The following VPS54 variants were observed in gnomAD, a reference collection of about 807,000 sequenced individuals.
VPS54 encodes the protein VPS54 subunit of GARP complex.
VPS54 carries 45 observed loss-of-function variants against 121.5 expected under a neutral mutation model. That is an observed-to-expected ratio of 0.37 (90% CI 0.29 to 0.47). The LOEUF is 0.47. Ranked by LOEUF, VPS54 falls within the 20% of genes least tolerant of loss-of-function variation. The pLI is 0.99. For synonymous variants in VPS54, 371 were observed against 385.8 expected, an observed-to-expected ratio of 0.96 and a Z score of 0.45; for missense variants, 1,090 against 1,131.4, an observed-to-expected ratio of 0.96 and a Z score of 0.52.
At chr2:63,925,450 A>G (rs2104462557) in intron 12 of VPS54, among the ~76,000 whole-genome samples, 1 of 152,232 alleles carries the variant, frequency 6.6e-6, no homozygotes, top group East Asian at 1.9e-4. Context: ...GAGTACAACC[A>G]CTTTGAGAAA....
At chr2:63,897,467 G>C (rs778244709) in intron 22 of VPS54, 29 bp downstream of exon 22, 2 of 1,392,432 alleles carry the variant, frequency 1.4e-6, no homozygotes, top group Admixed American at 1.9e-5. Flanking sequence ...CGATATGGGA[G>C]TATATGGTGA....
At chr2:63,897,994 A>G (rs908571333) in intron 21 of VPS54, among the ~76,000 whole-genome samples, 8 of 152,232 alleles carry the variant, frequency 5.3e-5, no homozygotes, top group Admixed American at 1.3e-4. Context: ...CTTGCATGCA[A>G]TGACCCAATA....
chr2:63,934,087 TGCA>T, intron 11 of VPS54, 74 bp from the exon 12 acceptor site: 1 of 1,336,018 alleles, frequency 7.5e-7, no homozygotes, highest in Non-Finnish European at 1.0e-6. Flanking sequence ...GAGAATTCTG[TGCA>T]TGTAATTTTG....
intron 3 of VPS54, among the ~76,000 whole-genome samples, chr2:63,977,833 TTTTG>T (rs1323912881): frequency 6.6e-6 from 1 of 152,158 alleles, no homozygotes; most frequent in Non-Finnish European, 1.5e-5. Context: ...TAGTATGAAG[TTTTG>T]TTTATCTGGC....
At chr2:63,912,461 CT>C in intron 19 of VPS54, 36 bp from the exon 20 acceptor site, 2 of 1,609,334 alleles carry the variant, frequency 1.2e-6, no homozygotes, top group South Asian at 1.1e-5. Flanking sequence ...TTTTAAGTCC[CT>C]GGGACACATT....
At chr2:64,001,604 T>C (rs998178987) in intron 1 of VPS54, among the ~76,000 whole-genome samples, 2 of 151,886 alleles carry the variant, frequency 1.3e-5, no homozygotes, top group African/African-American at 4.8e-5. Context: ...CAGGACTGGG[T>C]CCCTCCCTTC....
At chr2:63,941,433 C>T (rs1237821818) in intron 11 of VPS54, among the ~76,000 whole-genome samples, 1 of 152,046 alleles carries the variant, frequency 6.6e-6, no homozygotes, top group African/African-American at 2.4e-5. Flanking sequence ...CATTATGTTG[C>T]CCAAGCTGGT....
At position 63,972,271 on chromosome 2, in the gene VPS54, A is replaced by G. The variant is rs751985860; in HGVS notation, c.379-27T>C. On this transcript the variant is annotated intron_variant, in intron 3 of 22. Coordinates refer to ENST00000272322, the MANE Select transcript of VPS54 (RefSeq NM_016516.3). ...TAATAAAAAGACAAATAACATCATC[A>G]ATGTATGTGTAAACATGAGTATTCA... 4.0e-6 allele frequency: 6 copies of G among 1,511,356 alleles called. No homozygotes were observed. The East Asian group carries it at 1.4e-4, about 35-fold the overall frequency. The allele number at this position is 1,511,356 out of a possible 1,614,324, so 93.6% of individuals were successfully genotyped here. A position where few individuals can be genotyped will look rare whatever the true frequency, so the allele number is the denominator to read the frequency against.
intron 11 of VPS54, among the ~76,000 whole-genome samples, chr2:63,936,114 A>G (rs558186557): frequency 6.6e-6 from 1 of 152,298 alleles, no homozygotes; most frequent in Admixed American, 6.5e-5. Context: ...CCCAGAGCCA[A>G]TACATTCCTT....
chr2:64,015,025 A>G (rs1410023263), intron 1 of VPS54, among the ~76,000 whole-genome samples: 4 of 152,078 alleles, frequency 2.6e-5, no homozygotes, highest in African/African-American at 7.2e-5. Context: ...ACATACATAC[A>G]TAACATAAGT....
At chr2:63,993,442 C>G (rs959699963) in intron 1 of VPS54, among the ~76,000 whole-genome samples, 1 of 152,076 alleles carries the variant, frequency 6.6e-6, no homozygotes, top group Non-Finnish European at 1.5e-5. Context: ...TTCTGGTTTT[C>G]GCCTCATTGC....
intron 3 of VPS54, among the ~76,000 whole-genome samples, chr2:63,973,174 T>C: frequency 6.6e-6 from 1 of 152,226 alleles, no homozygotes; most frequent in African/African-American, 2.4e-5. Flanking sequence ...CCTGTTGTTC[T>C]ACATCCTTGT....
In VPS54 at chr2:63,919,368, AC is replaced by A. The variant is rs1172679330; in HGVS notation, c.2164+514del. On this transcript the variant is annotated intron_variant, in intron 15 of 22. Transcript: ENST00000272322. The stretch of plus-strand genomic sequence containing the variant: ...TGTATTTTTTGGTTTTGTTCATTAG[AC>A]TTAGCCTCTTTAAAGCAGAAATACA... 8.5e-3 allele frequency among the ~76,000 whole-genome samples: 1,293 copies of A among 152,090 alleles called. 9 individuals carry two copies. Among genetic ancestry groups the A allele is most frequent in the Non-Finnish European group, 0.013 (870 of 67,918 alleles).
At chr2:63,901,134 A>T (rs1168516636) in intron 20 of VPS54, among the ~76,000 whole-genome samples, 1 of 152,230 alleles carries the variant, frequency 6.6e-6, no homozygotes, top group Non-Finnish European at 1.5e-5. Flanking sequence ...TTCATTAAAA[A>T]ACTTTTCGGT....
chr2:63,953,173 C>T (rs1675337382), intron 7 of VPS54, among the ~76,000 whole-genome samples: 1 of 142,684 alleles, frequency 7.0e-6, no homozygotes, highest in Non-Finnish European at 1.5e-5. Flanking sequence ...CCTCTGTTGC[C>T]TAGGCTGGAG....
chr2:63,930,995 C>T (rs1674168418), intron 12 of VPS54, among the ~76,000 whole-genome samples: 2 of 152,190 alleles, frequency 1.3e-5, no homozygotes, highest in African/African-American at 4.8e-5. Context: ...CTACAAACCA[C>T]TGCTCAAGGA....
intron 11 of VPS54, among the ~76,000 whole-genome samples, chr2:63,938,474 ATTATT>A (rs1674568506): frequency 1.3e-5 from 2 of 151,882 alleles, no homozygotes; most frequent in South Asian, 2.1e-4. Flanking sequence ...AGTTATTATT[ATTATT>A]TTGAGACAAA....
At chr2:64,015,197 TAAC>T (rs1195444677) in intron 1 of VPS54, among the ~76,000 whole-genome samples, 1 of 151,796 alleles carries the variant, frequency 6.6e-6, no homozygotes, top group Non-Finnish European at 1.5e-5. Context: ...TATGCAAAAA[TAAC>T]AATTCAAAAC....
chr2:64,016,829 G>C (rs573977309), intron 1 of VPS54, among the ~76,000 whole-genome samples: 1 of 151,618 alleles, frequency 6.6e-6, no homozygotes, highest in African/African-American at 2.4e-5. Context: ...GGCTGGTCTC[G>C]AACTCTGGAC....
Sources: gnomAD v4.1 joint callset for allele counts (sites outside exome capture counted in the v4.1 genomes callset) on GRCh38, gnomAD v4.1.1 for gene constraint, MANE v1.5 for transcripts, NCBI Gene and HGNC (gene_info 2026-07-23, HGNC 2026-07-21) for gene names.